Variants in FAF1 observed in about 807,000 individuals in gnomAD.
FAF1 encodes FAS-associated factor 1.
FAF1 carries 25 observed loss-of-function variants against 92.5 expected under a neutral mutation model. That is an observed-to-expected ratio of 0.27 (90% CI 0.20 to 0.38). The LOEUF (loss-of-function observed/expected upper bound fraction) is 0.38, where lower values mean the gene tolerates loss of function less well. Ranked by LOEUF, FAF1 falls within the 10% of genes least tolerant of loss-of-function variation. The probability of loss-of-function intolerance (pLI) is 1.00; values close to 1 mark genes in which losing one functional copy is unlikely to be tolerated. For synonymous variants in FAF1, 234 were observed against 273.2 expected (o/e 0.86, Z 1.42); for missense variants, 636 against 793.3 (o/e 0.80, Z 2.38).
At chr1:50,509,875 A>T (rs896985396) in intron 15 of FAF1, among the ~76,000 whole-genome samples, 8 of 149,734 alleles carry the variant, frequency 5.3e-5, no homozygotes, top group South Asian at 4.2e-4. Context: ...TCTCTAAATT[A>T]AAAAAAAAAT....
At chr1:50,900,763 G>A (rs1477931143) in intron 1 of FAF1, among the ~76,000 whole-genome samples, 1 of 151,996 alleles carries the variant, frequency 6.6e-6, no homozygotes, top group Non-Finnish European at 1.5e-5. Context: ...AATATCATCA[G>A]TACTAATATA....
intron 7 of FAF1, among the ~76,000 whole-genome samples, chr1:50,668,125 G>C (rs1279537803): frequency 1.3e-5 from 2 of 152,134 alleles, no homozygotes; most frequent in African/African-American, 4.8e-5. Context: ...CTTAGTGTTG[G>C]GGTCTGCCAT....
chr1:50,773,187 T>C (rs1375171177), intron 4 of FAF1, among the ~76,000 whole-genome samples: 2 of 152,162 alleles, frequency 1.3e-5, no homozygotes, highest in Non-Finnish European at 2.9e-5. Context: ...CTGGGGAAAA[T>C]TGTTTGAGCC....
chr1:50,935,121 C>T (rs1645075914), intron 1 of FAF1, among the ~76,000 whole-genome samples: 1 of 152,048 alleles, frequency 6.6e-6, no homozygotes, highest in African/African-American at 2.4e-5. Context: ...ATATAACCAA[C>T]AAGAAATATT....
chr1:50,845,272 C>T (rs1204662859), intron 2 of FAF1, among the ~76,000 whole-genome samples: 2 of 152,186 alleles, frequency 1.3e-5, no homozygotes, highest in African/African-American at 2.4e-5. Context: ...GCAATATGAG[C>T]GTAAGGATAC....
intron 4 of FAF1, among the ~76,000 whole-genome samples, chr1:50,770,502 T>C (rs537207701): frequency 2.8e-4 from 43 of 152,322 alleles, no homozygotes; most frequent in African/African-American, 1.0e-3. Flanking sequence ...CAATCTCATT[T>C]ACAGTAGCCA....
intron 7 of FAF1, among the ~76,000 whole-genome samples, chr1:50,672,653 A>G (rs1272052298): frequency 6.6e-6 from 1 of 152,214 alleles, no homozygotes; most frequent in Non-Finnish European, 1.5e-5. Context: ...ATACTACTTA[A>G]GAAAGTAGAA....
At chr1:50,515,628 CAAATT>C (rs1377973654) in intron 15 of FAF1, among the ~76,000 whole-genome samples, 1 of 152,264 alleles carries the variant, frequency 6.6e-6, no homozygotes, top group East Asian at 1.9e-4. Context: ...TCATACCTAT[CAAATT>C]AGTTTCCTAA....
intron 9 of FAF1, among the ~76,000 whole-genome samples, chr1:50,585,879 A>C (rs1421194157): frequency 2.6e-5 from 3 of 115,560 alleles, no homozygotes; most frequent in Admixed American, 8.7e-5. Context: ...TCATCTCTAC[A>C]TAAAAAAAAA....
intron 8 of FAF1, among the ~76,000 whole-genome samples, chr1:50,622,372 C>T (rs2124180426): frequency 6.6e-6 from 1 of 152,198 alleles, no homozygotes; most frequent in Non-Finnish European, 1.5e-5. Context: ...TTCCCAGCTT[C>T]CTCCCTTTTC....
chr1:50,726,286 C>T (rs6698050), intron 6 of FAF1, among the ~76,000 whole-genome samples: 1,895 of 151,988 alleles, frequency 0.012, 42 homozygotes, highest in African/African-American at 0.042. Flanking sequence ...TAACTGGAAC[C>T]GTAAGTCCAG....
chr1:50,829,600 G>A (rs1299838747), intron 2 of FAF1, among the ~76,000 whole-genome samples: 1 of 152,176 alleles, frequency 6.6e-6, no homozygotes, highest in African/African-American at 2.4e-5. Flanking sequence ...CAGGATTAAA[G>A]GCAGTCAAAG....
At chr1:50,953,776 CAA>C (rs1266780547) in intron 1 of FAF1, among the ~76,000 whole-genome samples, 1 of 151,878 alleles carries the variant, frequency 6.6e-6, no homozygotes, top group Non-Finnish European at 1.5e-5. Context: ...ATTCATCAAG[CAA>C]TTTAGGCAGC....
chr1:50,754,332 G>A (rs1490369262), intron 4 of FAF1, among the ~76,000 whole-genome samples: 1 of 152,212 alleles, frequency 6.6e-6, no homozygotes, highest in African/African-American at 2.4e-5. Flanking sequence ...TGCCCAAGCA[G>A]TATTTAATCT....
At chr1:50,447,612 C>G (rs1367215641) in intron 18 of FAF1, among the ~76,000 whole-genome samples, 1 of 152,226 alleles carries the variant, frequency 6.6e-6, no homozygotes, top group Non-Finnish European at 1.5e-5. Context: ...TAGCCTGACT[C>G]TCAGGAGCAA....
chr1:50,725,402 A>C (rs1658606471), intron 6 of FAF1, among the ~76,000 whole-genome samples: 1 of 152,220 alleles, frequency 6.6e-6, no homozygotes, highest in South Asian at 2.1e-4. Context: ...ATTCATGGCT[A>C]CTGTAATCTG....
chr1:50,680,678 G>A (rs1422019102), intron 7 of FAF1, among the ~76,000 whole-genome samples: 3 of 150,612 alleles, frequency 2.0e-5, no homozygotes, highest in African/African-American at 7.3e-5. Context: ...TGAAAACTCT[G>A]TCTCCAAAAA....
chr1:50,498,197 G>A (rs1003733021), intron 15 of FAF1, among the ~76,000 whole-genome samples: 3 of 151,906 alleles, frequency 2.0e-5, no homozygotes, highest in African/African-American at 7.3e-5. Context: ...TAGGAAAGCT[G>A]GATATCCACA....
Position 50,714,347 on chromosome 1 carries a change from T to TA in FAF1, c.552-8457dup, listed in dbSNP as rs76296489. On this transcript the variant is annotated intron_variant, in intron 6 of 18. Coordinates refer to ENST00000396153, the MANE Select transcript of FAF1 (RefSeq NM_007051.3). ...GTGAAATCGTGTCTCTACTAAAAATTAAAAAAAAAAAAAAAATTAGCTAGG... is the reference window on the plus strand; with the variant it reads ...GTGAAATCGTGTCTCTACTAAAAATTAAAAAAAAAAAAAAAAATTAGCTAGG... Among the ~76,000 whole-genome samples, 541 of 134,670 alleles carry TA rather than the reference T, an allele frequency of 4.0e-3. 2 individuals carry two copies. Among genetic ancestry groups the TA allele is most frequent in the African/African-American group, 6.9e-3 (256 of 37,014 alleles). 88.3% of individuals were successfully genotyped at this position (134,670 alleles called of 152,430 possible). A position where few individuals can be genotyped will look rare whatever the true frequency, so the allele number is the denominator to read the frequency against.
Sources: gnomAD v4.1 joint callset for allele counts (sites outside exome capture counted in the v4.1 genomes callset) on GRCh38, gnomAD v4.1.1 for gene constraint, MANE v1.5 for transcripts, NCBI Gene and HGNC (gene_info 2026-07-23, HGNC 2026-07-21) for gene names.